Variants in ZNF140 observed in about 807,000 individuals in gnomAD.
The protein encoded by ZNF140 is zinc finger protein 140 (clone pHZ-39).
A neutral mutation model predicts 12.9 loss-of-function variants in ZNF140; 13 were observed. That is an observed-to-expected ratio of 1.01 (90% CI 0.66 to 1.60). The LOEUF is 1.60. Among genes scored for constraint, ZNF140 ranks in the 40% most tolerant of loss-of-function variants. ZNF140 has a pLI of 0.00. For missense variants in ZNF140, 531 were observed against 548.8 expected, an observed-to-expected ratio of 0.97 and a Z score of 0.32; for synonymous variants, 214 against 186.7, an observed-to-expected ratio of 1.15 and a Z score of -1.19.
chr12:133,081,278 C>G lies in ZNF140; in HGVS notation c.-43C>G. ...CTCCTTTCTCTCTCTGCCAGGTCTG[C>G]CATTTTACACTTTTCTGATCTCCTC... On this transcript the variant is annotated 5_prime_UTR_variant, in exon 2 of 5. Coordinates refer to ENST00000355557, the MANE Select transcript of ZNF140 (RefSeq NM_003440.4). 6.5e-7 allele frequency: 1 copy of G among 1,536,780 alleles called. No homozygotes were observed. The highest frequency in any genetic ancestry group is 8.8e-7 in the Non-Finnish European group (1 of 1,131,960).
upstream of ZNF140, chr12:133,080,709 C>T (rs1954438901): frequency 6.6e-6 from 1 of 152,440 alleles, no homozygotes; most frequent in Admixed American, 6.5e-5. Flanking sequence ...TTGTCGCAGG[C>T]CCTCGTTCTT....
In ZNF140 at chr12:133,106,346, TATGAATGTG is replaced by T. The variant is rs1415795234; in HGVS notation, c.1079_1087del (p.Asp360_Cys362del). ...GAGAATTCATGCTGGAGAAAAGCTC[TATGAATGTG>T]ATGAATGTGGTAAAGTTTTCACTTG... is the stretch of plus-strand genomic sequence containing the variant. On this transcript the variant is annotated inframe_deletion, in exon 5 of 5. Transcript: ENST00000355557. 21 of 1,614,076 alleles carry T rather than the reference TATGAATGTG, an allele frequency of 1.3e-5. No homozygotes were observed. Among genetic ancestry groups the T allele is most frequent in the Non-Finnish European group, 1.5e-5 (18 of 1,180,042 alleles).
In ZNF140 at chr12:133,083,191, G is replaced by A; in HGVS notation, c.98G>A (p.Cys33Tyr). 4 of 1,614,156 alleles carry A rather than the reference G, an allele frequency of 2.5e-6. No individual in the cohort carries two copies. Among genetic ancestry groups the A allele is most frequent in the Non-Finnish European group, 3.4e-6 (4 of 1,179,998 alleles). ...LQPAQRDLYR[C>Y]VMLENYGHLV... is the part of the protein sequence containing the mutation. ...CCTGCTCAAAGAGATTTGTACAGAT[G>A]TGTAATGTTGGAGAACTATGGCCAT... The change falls in exon 3 of 5, where the codon TGT becomes TAT. Residue 33 changes from cysteine to tyrosine, a missense_variant. Physicochemically the swap from Cys to Tyr is radical, Grantham distance 194. Coordinates refer to ENST00000355557, the MANE Select transcript of ZNF140 (RefSeq NM_003440.4).
At chr12:133,093,925 T>A (rs2137531372) in intron 4 of ZNF140, among the ~76,000 whole-genome samples, 1 of 151,238 alleles carries the variant, frequency 6.6e-6, no homozygotes, top group South Asian at 2.1e-4. Context: ...CTGATCTCTG[T>A]CTTTTCCAGT....
intron 4 of ZNF140, among the ~76,000 whole-genome samples, chr12:133,103,921 T>C (rs1431761957): frequency 6.6e-6 from 1 of 152,242 alleles, no homozygotes; most frequent in Non-Finnish European, 1.5e-5. Flanking sequence ...TTGACACAAT[T>C]ATTTTAAAAG....
chr12:133,080,443 G>C (rs967578611), upstream of ZNF140: 31 of 152,464 alleles, frequency 2.0e-4, no homozygotes, highest in African/African-American at 7.2e-4. Flanking sequence ...TCTCGCGCGG[G>C]GTCGCGGTTG....
At chr12:133,100,886 G>T in intron 4 of ZNF140, 1 of 389,152 alleles carries the variant, frequency 2.6e-6, no homozygotes, top group Non-Finnish European at 5.2e-6. Context: ...GTGGGGTGGA[G>T]CAGGATGGTG....
At position 133,083,364 on chromosome 12, in the gene ZNF140, C is replaced by G. The variant is rs1036614054; in HGVS notation, c.137-102C>G. 651 of 1,502,848 alleles carry G rather than the reference C, an allele frequency of 4.3e-4. 2 individuals carry two copies. The African/African-American group carries it at 8.1e-3, about 19-fold the overall frequency. The allele number at this position is 1,502,848 out of a possible 1,614,324, so 93.1% of individuals were successfully genotyped here. On this transcript the variant is annotated intron_variant, in intron 3 of 4. Coordinates refer to ENST00000355557, the MANE Select transcript of ZNF140 (RefSeq NM_003440.4). ...TTTTAAGATGGGGACGTAACTGCACCTTATTTTTAGACATTTTAAAAACTT... is the reference window on the plus strand; with the variant it reads ...TTTTAAGATGGGGACGTAACTGCACGTTATTTTTAGACATTTTAAAAACTT...
chr12:133,089,120 T>C (rs2137506250), intron 4 of ZNF140, among the ~76,000 whole-genome samples: 1 of 152,280 alleles, frequency 6.6e-6, no homozygotes, highest in Non-Finnish European at 1.5e-5. Context: ...TGGAAGAGAT[T>C]GAGGGGATTG....
chr12:133,095,545 A>AAG (rs1196796622), intron 4 of ZNF140, among the ~76,000 whole-genome samples: 1 of 151,644 alleles, frequency 6.6e-6, no homozygotes, highest in Non-Finnish European at 1.5e-5. Context: ...GAAAAGAAAG[A>AAG]AGACACAGAG....
At position 133,081,345 on chromosome 12, in the gene ZNF140, A is replaced by AT; in HGVS notation, c.9+17dup. 1 of 461,070 alleles carries AT rather than the reference A, an allele frequency of 2.2e-6. No homozygotes were observed. Among genetic ancestry groups the AT allele is most frequent in the East Asian group, 5.1e-5 (1 of 19,750 alleles). 28.6% of individuals were successfully genotyped at this position (461,070 alleles called of 1,614,324 possible). A position where few individuals can be genotyped will look rare whatever the true frequency, so the allele number is the denominator to read the frequency against. On this transcript the variant is annotated intron_variant, in intron 2 of 4. Coordinates refer to ENST00000355557, the MANE Select transcript of ZNF140 (RefSeq NM_003440.4). ...TATGTCTCAGGTAAGCTAATGATTG[A>AT]TAAATATATATATATATATATATAT...
At chr12:133,082,857 T>G in intron 2 of ZNF140, 1 of 426,868 alleles carries the variant, frequency 2.3e-6, no homozygotes, top group East Asian at 4.0e-5. Context: ...TGTATAATCC[T>G]TTATTTTGAA....
intron 4 of ZNF140, among the ~76,000 whole-genome samples, chr12:133,097,371 T>C (rs1360335743): frequency 1.3e-5 from 2 of 152,104 alleles, no homozygotes; most frequent in Non-Finnish European, 1.5e-5. Flanking sequence ...TGGCTGGGTG[T>C]GGTGGCTCAC....
Position 133,106,393 on chromosome 12 carries a change from T to G in ZNF140, c.1116T>G (p.Leu372=), listed in dbSNP as rs1338896791. 1.2e-6 allele frequency: 2 copies of G among 1,614,032 alleles called. No individual in the cohort carries two copies. Among genetic ancestry groups the G allele is most frequent in the African/African-American group, 2.7e-5 (2 of 74,908 alleles). The stretch of plus-strand genomic sequence containing the variant: ...AAGTTTTCACTTGGCATGCATCCCT[T>G]ATTCAACATACGAAGAGTCACACTG... ...CGKVFTWHAS[L]IQHTKSHTGE... is the part of the protein sequence containing the mutation. Residue 372 remains leucine, a synonymous_variant, in exon 5 of 5, where the codon CTT becomes CTG. Coordinates refer to ENST00000355557, the MANE Select transcript of ZNF140 (RefSeq NM_003440.4).
intron 4 of ZNF140, among the ~76,000 whole-genome samples, chr12:133,102,404 A>C (rs1296637731): frequency 6.6e-6 from 1 of 152,156 alleles, no homozygotes; most frequent in Non-Finnish European, 1.5e-5. Flanking sequence ...GGAGTATATT[A>C]GTTGCTGGTT....
intron 4 of ZNF140, among the ~76,000 whole-genome samples, chr12:133,091,418 C>T (rs1954885947): frequency 6.6e-6 from 1 of 151,396 alleles, no homozygotes; most frequent in Admixed American, 6.6e-5. Flanking sequence ...CTGGGGAAAG[C>T]TACAAATTAA....
chr12:133,081,241 G>A, intron 1 of ZNF140, 32 bp from the exon 2 acceptor site: 2 of 1,297,998 alleles, frequency 1.5e-6, no homozygotes, highest in Middle Eastern at 2.8e-4. Context: ...TAGCTGGCCT[G>A]TTCGCTCAGG....
intron 4 of ZNF140, among the ~76,000 whole-genome samples, chr12:133,100,187 T>TTTTTTTTTG (rs1955293333): frequency 7.7e-6 from 1 of 129,674 alleles, no homozygotes; most frequent in African/African-American, 3.0e-5. Flanking sequence ...TTTTTTTTTT[T>TTTTTTTTTG]GGCAGGGTCT....
rs1954580145 is a variant in ZNF140 at position 133,083,791 on chromosome 12, C to G, written c.232+230C>G. Among the ~76,000 whole-genome samples, 6 of 152,194 alleles carry G rather than the reference C, an allele frequency of 3.9e-5. No individual in the cohort carries two copies. The South Asian group carries it at 1.2e-3, about 32-fold the overall frequency. ...TGGCTAACACGGTGACACCCCATCT[C>G]TGCTAAAAATACAAAAAAATTTGCC... On this transcript the variant is annotated intron_variant, in intron 4 of 4. Coordinates refer to ENST00000355557, the MANE Select transcript of ZNF140 (RefSeq NM_003440.4).
Sources: allele counts gnomAD v4.1 joint callset (sites outside exome capture counted in the v4.1 genomes callset), GRCh38; gene constraint gnomAD v4.1.1; transcripts MANE v1.5; gene names NCBI Gene and HGNC (gene_info 2026-07-23, HGNC 2026-07-21).